Variants in STPG2 observed in about 807,000 individuals in gnomAD.
The protein encoded by STPG2 is sperm tail PG-rich repeat containing 2.
Under a neutral mutation model 54.2 loss-of-function variants are expected in STPG2, and 56 were observed. The ratio of observed to expected loss-of-function variants is 1.03; its 90% confidence interval spans 0.83 to 1.29. The LOEUF (loss-of-function observed/expected upper bound fraction) is 1.29. Ranked by LOEUF, STPG2 falls within the 50% of genes most tolerant of loss-of-function variation. STPG2 has a pLI of 0.00. For missense variants in STPG2, 596 were observed against 544.9 expected, an observed-to-expected ratio of 1.09 and a Z score of -0.93; for synonymous variants, 200 against 181.8, an observed-to-expected ratio of 1.10 and a Z score of -0.81.
chr4:97,961,280 T>C (rs1219538738), intron 7 of STPG2, among the ~76,000 whole-genome samples: 2 of 152,118 alleles, frequency 1.3e-5, no homozygotes, highest in African/African-American at 4.8e-5. Flanking sequence ...CTTCTAGACA[T>C]TGGCTTAGGC....
At chr4:97,707,552 G>C (rs1187905219) in intron 10 of STPG2, among the ~76,000 whole-genome samples, 1 of 151,914 alleles carries the variant, frequency 6.6e-6, no homozygotes, top group Admixed American at 6.6e-5. Flanking sequence ...ATAAATAAAA[G>C]AGGATGGAGG....
At chr4:97,942,629 A>G (rs1374556261) in intron 8 of STPG2, among the ~76,000 whole-genome samples, 1 of 152,098 alleles carries the variant, frequency 6.6e-6, no homozygotes, top group Non-Finnish European at 1.5e-5. Flanking sequence ...AAATTAATCT[A>G]ATTGCTATTA....
Position 97,725,420 on chromosome 4 carries a change from G to GA in STPG2, c.1205-12607dup, listed in dbSNP as rs889475387. Among the ~76,000 whole-genome samples, 75 of 147,098 alleles carry GA rather than the reference G, an allele frequency of 5.1e-4. No individual in the cohort carries two copies. The South Asian group carries it at 0.012, about 23-fold the overall frequency. On this transcript the variant is annotated intron_variant, in intron 9 of 10. Transcript: ENST00000295268. ...AATAAATAGAAAAACTGACCCTGAA[G>GA]AAAAAAAAATAGTTTAGGAAAATAT...
At chr4:97,577,959 T>A (rs1301114298) in intron 10 of STPG2, among the ~76,000 whole-genome samples, 1 of 152,144 alleles carries the variant, frequency 6.6e-6, no homozygotes, top group East Asian at 1.9e-4. Context: ...ATAAAGTTAT[T>A]ATCTTTGCAG....
chr4:97,799,446 T>C (rs904030450), intron 9 of STPG2, among the ~76,000 whole-genome samples: 1 of 152,168 alleles, frequency 6.6e-6, no homozygotes, highest in African/African-American at 2.4e-5. Context: ...TTATGAAACT[T>C]TGTTTGGCTG....
chr4:97,477,291 T>C (rs2148818449), intron 4 of STPG2, among the ~76,000 whole-genome samples: 1 of 152,338 alleles, frequency 6.6e-6, no homozygotes, highest in African/African-American at 2.4e-5. Flanking sequence ...AATGACAATT[T>C]ATCATTTCGT....
chr4:97,848,369 A>T (rs1560552528), intron 8 of STPG2, among the ~76,000 whole-genome samples: 1 of 152,202 alleles, frequency 6.6e-6, no homozygotes, highest in Non-Finnish European at 1.5e-5. Flanking sequence ...AAGCTGTCCG[A>T]TGAGAAGGAA....
intron 10 of STPG2, among the ~76,000 whole-genome samples, chr4:97,619,617 T>C (rs1450177364): frequency 6.6e-6 from 1 of 151,208 alleles, no homozygotes; most frequent in African/African-American, 2.4e-5. Context: ...ATCTTTTTCC[T>C]AACACACAAA....
chr4:98,005,968 T>C (rs1735565786), intron 5 of STPG2, among the ~76,000 whole-genome samples: 1 of 152,238 alleles, frequency 6.6e-6, no homozygotes. Flanking sequence ...ATGTTTACTA[T>C]CATTCACCAA....
chr4:97,826,345 T>A (rs1003154669), intron 9 of STPG2, among the ~76,000 whole-genome samples: 3 of 152,122 alleles, frequency 2.0e-5, no homozygotes, highest in Non-Finnish European at 2.9e-5. Flanking sequence ...TTATGTGAGA[T>A]AGAAAAATAT....
chr4:97,695,316 G>T (rs1347286469), intron 10 of STPG2, among the ~76,000 whole-genome samples: 1 of 152,032 alleles, frequency 6.6e-6, no homozygotes. Context: ...AAAACCCTCA[G>T]CAAAATCAGC....
At chr4:98,117,550 T>C (rs1159488509) in intron 3 of STPG2, among the ~76,000 whole-genome samples, 1 of 152,048 alleles carries the variant, frequency 6.6e-6, no homozygotes, top group South Asian at 2.1e-4. Context: ...ATTCCCATTA[T>C]GTGTATGTTG....
intron 9 of STPG2, among the ~76,000 whole-genome samples, chr4:97,792,891 T>C (rs1727046445): frequency 6.6e-6 from 1 of 152,072 alleles, no homozygotes; most frequent in South Asian, 2.1e-4. Flanking sequence ...GTGGCTCACG[T>C]CTGTAATCGC....
At chr4:97,730,893 T>G (rs1411663305) in intron 9 of STPG2, among the ~76,000 whole-genome samples, 1 of 152,228 alleles carries the variant, frequency 6.6e-6, no homozygotes, top group African/African-American at 2.4e-5. Context: ...ATGGCTGTGT[T>G]ATCTTTCAAC....
At chr4:97,487,595 T>C (rs974140588) in intron 4 of STPG2, among the ~76,000 whole-genome samples, 5 of 151,574 alleles carry the variant, frequency 3.3e-5, no homozygotes, top group Non-Finnish European at 5.9e-5. Flanking sequence ...TCATGGTTTC[T>C]TAAAATCAGA....
intron 10 of STPG2, among the ~76,000 whole-genome samples, chr4:97,635,222 T>G (rs1271106470): frequency 6.6e-6 from 1 of 152,108 alleles, no homozygotes. Context: ...AACCCAGAAT[T>G]TCATATCCAG....
intron 5 of STPG2, among the ~76,000 whole-genome samples, chr4:98,017,481 C>A (rs1212680295): frequency 1.3e-5 from 2 of 152,160 alleles, no homozygotes; most frequent in Non-Finnish European, 2.9e-5. Flanking sequence ...ATCTTCCTTT[C>A]CCAACACATT....
chr4:97,737,098 C>A (rs1162790118), intron 9 of STPG2, among the ~76,000 whole-genome samples: 1 of 152,190 alleles, frequency 6.6e-6, no homozygotes, highest in African/African-American at 2.4e-5. Flanking sequence ...CCCAGGCAAC[C>A]AGGGTCTGGA....
At chr4:97,670,275 T>C (rs1722659993) in intron 10 of STPG2, among the ~76,000 whole-genome samples, 1 of 152,140 alleles carries the variant, frequency 6.6e-6, no homozygotes, top group Non-Finnish European at 1.5e-5. Flanking sequence ...GATTATCTAA[T>C]AAGTGATTAT....
Sources: gnomAD v4.1 joint callset for allele counts (sites outside exome capture counted in the v4.1 genomes callset) on GRCh38, gnomAD v4.1.1 for gene constraint, MANE v1.5 for transcripts, NCBI Gene and HGNC (gene_info 2026-07-23, HGNC 2026-07-21) for gene names.